The following CUX1 variants were observed in gnomAD, a reference collection of about 807,000 sequenced individuals.
CUX1 encodes the protein cut like homeobox 1.
CUX1 carries 31 observed loss-of-function variants against 158.8 expected under a neutral mutation model. That is an observed-to-expected ratio of 0.20 (90% CI 0.15 to 0.26). CUX1 has a LOEUF of 0.26. CUX1 is among the 10% of genes least tolerant of loss of function. The pLI is 1.00. For synonymous variants in CUX1, 879 were observed against 862.1 expected (o/e 1.02, Z -0.34); for missense variants, 1,589 against 2,014.6 (o/e 0.79, Z 4.04).
chr7:102,112,210 T>G (rs1025320189), intron 7 of CUX1, among the ~76,000 whole-genome samples: 6 of 152,150 alleles, frequency 3.9e-5, no homozygotes, highest in African/African-American at 1.4e-4. Flanking sequence ...TGCTCAAGTT[T>G]TTACAGTATC....
chr7:102,259,574 C>T (rs1011782149), downstream of CUX1, among the ~76,000 whole-genome samples: 20 of 152,072 alleles, frequency 1.3e-4, no homozygotes, highest in Admixed American at 7.2e-4. Flanking sequence ...GGCGATAGAG[C>T]GAAACTCAGT....
intron 1 of CUX1, among the ~76,000 whole-genome samples, chr7:101,842,107 A>G (rs897734668): frequency 4.6e-5 from 7 of 152,064 alleles, no homozygotes. Flanking sequence ...AATGGCTTTT[A>G]AAAATGTTGT....
At chr7:101,872,843 G>GTA (rs1798715592) in intron 1 of CUX1, among the ~76,000 whole-genome samples, 2 of 151,796 alleles carry the variant, frequency 1.3e-5, no homozygotes, top group Non-Finnish European at 2.9e-5. Context: ...TTAATCATTT[G>GTA]GGTATCCTTT....
chr7:102,053,826 A>C (rs1343932744), intron 3 of CUX1, among the ~76,000 whole-genome samples: 1 of 83,028 alleles, frequency 1.2e-5, no homozygotes, highest in Non-Finnish European at 2.2e-5. Flanking sequence ...TTTTTTTTTG[A>C]GACAGAGTCT....
At chr7:102,066,031 C>A (rs531632332) in intron 3 of CUX1, among the ~76,000 whole-genome samples, 1 of 152,230 alleles carries the variant, frequency 6.6e-6, no homozygotes, top group Admixed American at 6.5e-5. Context: ...CCTTGTGATC[C>A]ACCTGCCTTG....
At chr7:101,982,665 G>A (rs913207255) in intron 2 of CUX1, among the ~76,000 whole-genome samples, 5 of 151,914 alleles carry the variant, frequency 3.3e-5, no homozygotes, top group African/African-American at 4.8e-5. Flanking sequence ...GGCCTGAAAC[G>A]ATCTGCCTGC....
At chr7:102,093,966 A>G (rs1342227017) in intron 4 of CUX1, among the ~76,000 whole-genome samples, 2 of 152,192 alleles carry the variant, frequency 1.3e-5, no homozygotes, top group Admixed American at 6.5e-5. Context: ...GATCGGAGGC[A>G]TCTGACGTTC....
chr7:101,969,009 A>T (rs1349027837), intron 2 of CUX1, among the ~76,000 whole-genome samples: 4 of 150,884 alleles, frequency 2.7e-5, no homozygotes, highest in African/African-American at 4.9e-5. Flanking sequence ...GCTGTCATTA[A>T]CCTCCCTGTA....
rs150113396 is a variant in CUX1 at position 102,035,268 on chromosome 7, A to G, written c.189+7123A>G. Among the ~76,000 whole-genome samples the G allele has an allele frequency of 9.0e-4, 137 of 152,228 alleles. 1 individual carries two copies. The highest frequency in any genetic ancestry group is 3.2e-3 in the African/African-American group (134 of 41,534). On this transcript the variant is annotated intron_variant, in intron 3 of 23. Transcript: ENST00000292535. ...GAAACTGTACTTTGAGTACCCATACAACCATGCCGTTTGTCAGTTTCAGTA... is the reference window on the plus strand; with the variant it reads ...GAAACTGTACTTTGAGTACCCATACGACCATGCCGTTTGTCAGTTTCAGTA...
intron 23 of CUX1, among the ~76,000 whole-genome samples, chr7:102,241,073 G>C (rs1800155457): frequency 6.6e-6 from 1 of 152,134 alleles, no homozygotes; most frequent in African/African-American, 2.4e-5. Context: ...GCCTGCCTCG[G>C]CCTCCCAAAG....
At chr7:101,874,168 C>T (rs28409703) in intron 1 of CUX1, among the ~76,000 whole-genome samples, 27,733 of 152,138 alleles carry the variant, frequency 0.18, 4,351 homozygotes, top group East Asian at 0.83. Context: ...TAATTGAATT[C>T]GGATTATTGC....
rs803086 is a variant in CUX1 at position 102,278,251 on chromosome 7, G to C, written c.1680+186G>C. On this transcript the variant is annotated intron_variant, in intron 18 of 22. Transcript: ENST00000292538. Reference sequence around the variant, plus strand: ...CTGCTAGCTGCCCTCCCTAAGCCGGGAGAAGCTCACAGAGTGGAGCCCCTG... The same window carrying C: ...CTGCTAGCTGCCCTCCCTAAGCCGGCAGAAGCTCACAGAGTGGAGCCCCTG... 1.9e-3 allele frequency among the ~76,000 whole-genome samples: 288 copies of C among 152,146 alleles called. 1 individual carries two copies. Among genetic ancestry groups the C allele is most frequent in the Admixed American group, 3.1e-3 (48 of 15,278 alleles).
chr7:102,019,879 A>T (rs1819142489), intron 2 of CUX1, among the ~76,000 whole-genome samples: 1 of 152,244 alleles, frequency 6.6e-6, no homozygotes, highest in Non-Finnish European at 1.5e-5. Context: ...TGTGCATTTT[A>T]TCCGACTACA....
At chr7:102,037,842 G>A (rs1326269481) in intron 3 of CUX1, among the ~76,000 whole-genome samples, 5 of 151,724 alleles carry the variant, frequency 3.3e-5, no homozygotes, top group Non-Finnish European at 5.9e-5. Flanking sequence ...ATCACTTGAT[G>A]TCAGGAGTTT....
intron 13 of CUX1, among the ~76,000 whole-genome samples, chr7:102,194,437 TA>T (rs35830576): frequency 2.2e-3 from 314 of 144,034 alleles, no homozygotes; most frequent in African/African-American, 2.8e-3. Context: ...ATGTTGCTAT[TA>T]AAAAAAAAAA....
chr7:101,826,599 G>T (rs984631995), intron 1 of CUX1, among the ~76,000 whole-genome samples: 1 of 152,222 alleles, frequency 6.6e-6, no homozygotes, highest in Admixed American at 6.5e-5. Flanking sequence ...CCTAGAGGGC[G>T]GACAGGACTG....
chr7:102,104,665 G>A (rs1313201570), intron 6 of CUX1, among the ~76,000 whole-genome samples: 1 of 152,158 alleles, frequency 6.6e-6, no homozygotes, highest in Non-Finnish European at 1.5e-5. Flanking sequence ...GCCGAGGTGG[G>A]TGGATCATGA....
At chr7:102,098,890 A>AC (rs1327572492) in intron 5 of CUX1, among the ~76,000 whole-genome samples, 1 of 136,582 alleles carries the variant, frequency 7.3e-6, no homozygotes, top group East Asian at 2.2e-4. Flanking sequence ...CGATCTCCTG[A>AC]CCTCATGATC....
intron 2 of CUX1, among the ~76,000 whole-genome samples, chr7:101,954,087 A>G (rs1809456939): frequency 6.6e-6 from 1 of 152,214 alleles, no homozygotes; most frequent in South Asian, 2.1e-4. Flanking sequence ...GCTACTCAGG[A>G]GGCTGAGACG....
Sources: allele counts gnomAD v4.1 joint callset (sites outside exome capture counted in the v4.1 genomes callset), GRCh38; gene constraint gnomAD v4.1.1; transcripts MANE v1.5; gene names NCBI Gene and HGNC (gene_info 2026-07-23, HGNC 2026-07-21).